SBNO1: variants seen among roughly 807,000 people sequenced by gnomAD.
SBNO1 encodes the protein strawberry notch homolog 1.
A neutral mutation model predicts 173.6 loss-of-function variants in SBNO1; 23 were observed. The ratio of observed to expected loss-of-function variants is 0.13; its 90% CI spans 0.10 to 0.19. The LOEUF (loss-of-function observed/expected upper bound fraction) is 0.19, where lower values mean the gene tolerates loss of function less well. SBNO1 is among the 10% of genes least tolerant of loss of function. The pLI is 1.00. For missense variants in SBNO1, 1,238 were observed against 1,671.2 expected (o/e 0.74, Z 4.52); for synonymous variants, 632 against 571.5 (o/e 1.11, Z -1.51).
chr12:123,330,887 A>G (rs537028538), intron 8 of SBNO1, among the ~76,000 whole-genome samples: 3 of 152,138 alleles, frequency 2.0e-5, no homozygotes, highest in Non-Finnish European at 2.9e-5. Flanking sequence ...AATATGCCAC[A>G]GCACTCCAGC....
chr12:123,362,925 T>TA lies in SBNO1; in HGVS notation c.-1+1775dup, dbSNP rs560090421. On this transcript the variant is annotated intron_variant, in intron 1 of 31. Transcript: ENST00000602398. ...GACCCCCGCCTCTCAACAAAAAAAT[T>TA]AAAAAAAAAAAAATTAGCTGCTGTA... Among the ~76,000 whole-genome samples the TA allele has an allele frequency of 3.1e-3, 442 of 144,018 alleles. 3 individuals carry two copies. Among genetic ancestry groups the TA allele is most frequent in the South Asian group, 0.025 (112 of 4,492 alleles). The allele number at this position is 144,018 out of a possible 152,430, so 94.5% of individuals were successfully genotyped here.
chr12:123,332,119 G>A (rs1217332806), intron 7 of SBNO1, among the ~76,000 whole-genome samples: 1 of 152,084 alleles, frequency 6.6e-6, no homozygotes, highest in Non-Finnish European at 1.5e-5. Flanking sequence ...AAAGTGCTGA[G>A]ATTACAGGCA....
rs754320644 is a variant in SBNO1, at chr12:123,298,056, C to T, written c.3961G>A (p.Val1321Ile). 4.3e-6 allele frequency: 7 copies of T among 1,613,840 alleles called. No individual in the cohort carries two copies. In the South Asian group the frequency reaches 6.6e-5, roughly 15 times the overall value. ...TTTGTGCCACTGACAGATGCTAGAA[C>T]ACCCTCAACTTTTGTCCAGACACTC... ...VLSVWTKVEG[V>I]LASVSGTNVK... Residue 1321 changes from valine to isoleucine, a missense_variant, in exon 31 of 32, where the codon GTT (valine) becomes ATT (isoleucine). Coordinates refer to ENST00000602398, the MANE Select transcript of SBNO1 (RefSeq NM_001167856.3).
rs2048573252 is a variant in SBNO1 at position 123,295,022 on chromosome 12, TTTG to T, written c.*883_*885del. 6.6e-6 allele frequency: 1 copy of T among 152,238 alleles called. No individual in the cohort carries two copies. The highest frequency in any genetic ancestry group is 6.5e-5 in the Admixed American group (1 of 15,274). The allele number at this position is 152,238 out of a possible 1,614,324, so 9.4% of individuals were successfully genotyped here. A position where few individuals can be genotyped will look rare whatever the true frequency, so the allele number is the denominator to read the frequency against. The stretch of plus-strand genomic sequence containing the variant: ...CGATTGTTTGCAAGATGAAAGCCAA[TTTG>T]TACTTCCTTCTAAAACTACCTTTAA... On this transcript the variant is annotated 3_prime_UTR_variant, in exon 32 of 32. Transcript: ENST00000602398.
chr12:123,317,380 A>C (rs886923345), intron 20 of SBNO1, 24 bp from the exon 21 acceptor site: 1 of 1,612,578 alleles, frequency 6.2e-7, no homozygotes, highest in Non-Finnish European at 8.5e-7. Flanking sequence ...AAGAAAAATA[A>C]AGTCACTTTT....
intron 7 of SBNO1, among the ~76,000 whole-genome samples, chr12:123,333,301 AT>A (rs2139011940): frequency 6.6e-6 from 1 of 152,106 alleles, no homozygotes; most frequent in Non-Finnish European, 1.5e-5. Flanking sequence ...ACCTCACATC[AT>A]TTTAAAAGCC....
intron 2 of SBNO1, among the ~76,000 whole-genome samples, chr12:123,349,439 T>C (rs1873624036): frequency 6.6e-6 from 1 of 152,040 alleles, no homozygotes; most frequent in African/African-American, 2.4e-5. Flanking sequence ...ATGTATATAA[T>C]GAAATCACAG....
Position 123,289,255 on chromosome 12 carries a change from T to C in SBNO1, c.*6653A>G, listed in dbSNP as rs906143500. 6.6e-6 allele frequency: 1 copy of C among 152,248 alleles called. No homozygotes were observed. The allele number at this position is 152,248 out of a possible 1,614,324, so 9.4% of individuals were successfully genotyped here. ...CAAGAGTAAATAAACCTTGCTAAAA[T>C]GCAGCCAGTACATTTTTATTGCATG... On this transcript the variant is annotated 3_prime_UTR_variant, in exon 32 of 32. Coordinates refer to ENST00000602398, the MANE Select transcript of SBNO1 (RefSeq NM_001167856.3).
intron 30 of SBNO1, among the ~76,000 whole-genome samples, chr12:123,302,121 G>C (rs1245543336): frequency 6.6e-6 from 1 of 151,278 alleles, no homozygotes; most frequent in East Asian, 2.0e-4. Flanking sequence ...TTTTAGTAGA[G>C]AGGGTTTCTC....
rs118119987 is a variant in SBNO1, at chr12:123,341,093, G to A, written c.551-5C>T. 4,138 of 1,453,620 alleles carry A rather than the reference G, an allele frequency of 2.8e-3. 101 individuals are homozygous for A. In the East Asian group the frequency reaches 0.042, roughly 15 times the overall value. The allele number at this position is 1,453,620 out of a possible 1,614,324, so 90.0% of individuals were successfully genotyped here. ...CTGTACCATTGCTTACATCAGCTGAGGAGGAAAAAGTCAAATTACATTTAG... is the reference window on the plus strand; with the variant it reads ...CTGTACCATTGCTTACATCAGCTGAAGAGGAAAAAGTCAAATTACATTTAG... On this transcript the variant is annotated splice_region_variant and splice_polypyrimidine_tract_variant and intron_variant, in intron 4 of 31. Coordinates refer to ENST00000602398, the MANE Select transcript of SBNO1 (RefSeq NM_001167856.3).
intron 24 of SBNO1, 58 bp from the exon 25 acceptor site, chr12:123,311,187 A>ATGT: frequency 8.1e-7 from 1 of 1,240,242 alleles, no homozygotes; most frequent in South Asian, 1.2e-5. Context: ...ACAATGTACC[A>ATGT]CTAAGTGAGA....
chr12:123,352,855 T>G (rs1874042697), intron 1 of SBNO1, among the ~76,000 whole-genome samples: 1 of 152,298 alleles, frequency 6.6e-6, no homozygotes, highest in South Asian at 2.1e-4. Context: ...TGGAGTGCAG[T>G]GGCGCGATCT....
chr12:123,346,682 GA>G (rs1304499752), intron 3 of SBNO1, among the ~76,000 whole-genome samples: 1 of 150,866 alleles, frequency 6.6e-6, no homozygotes, highest in African/African-American at 2.4e-5. Context: ...AAAAATAAAA[GA>G]ATAAAAATAA....
At chr12:123,342,735 T>G (rs1872706567) in intron 4 of SBNO1, among the ~76,000 whole-genome samples, 3 of 151,560 alleles carry the variant, frequency 2.0e-5, no homozygotes, top group Admixed American at 2.0e-4. Flanking sequence ...GGGTGGGAGG[T>G]ATCCAGTCCA....
At chr12:123,298,534 CGT>C (rs2048679005) in intron 30 of SBNO1, among the ~76,000 whole-genome samples, 1 of 152,174 alleles carries the variant, frequency 6.6e-6, no homozygotes, top group African/African-American at 2.4e-5. Context: ...GGATTACAGG[CGT>C]GAGCCACCGC....
At chr12:123,340,581 CAAAAAAAAAA>C (rs752794679) in intron 5 of SBNO1, among the ~76,000 whole-genome samples, 3 of 46,818 alleles carry the variant, frequency 6.4e-5, no homozygotes, top group Non-Finnish European at 1.2e-4. Context: ...GACTCTGTCT[CAAAAAAAAAA>C]AAAAAAAAAA....
Position 123,323,727 on chromosome 12 carries a change from G to A in SBNO1, c.2078C>T (p.Ser693Leu), listed in dbSNP as rs1436996597. Residue 693 changes from serine to leucine, a missense_variant, in exon 16 of 32, where the codon TCG becomes TTG. Physicochemically the swap from Ser to Leu is moderately radical, Grantham distance 145 (BLOSUM62 -2). Around this residue, in one of 14 missense-constraint regions of SBNO1, gnomAD observed 81 missense variants for 82.6 expected, o/e 0.98. Coordinates refer to ENST00000602398, the MANE Select transcript of SBNO1 (RefSeq NM_001167856.3). ...IDLTAPSNNS[S>L]PRDSPCKENK... is the part of the protein sequence containing the mutation. ...TTCTTTACAAGGACTATCTCTTGGC[G>A]AACTGTTGTTACTTGGAGCTGTCAA... The A allele has an allele frequency of 8.7e-6, 14 of 1,611,858 alleles. No individual in the cohort carries two copies. Among genetic ancestry groups the A allele is most frequent in the Admixed American group, 1.7e-5 (1 of 59,562 alleles).
chr12:123,341,541 T>G (rs1274322498), intron 4 of SBNO1, among the ~76,000 whole-genome samples: 1 of 152,186 alleles, frequency 6.6e-6, no homozygotes. Flanking sequence ...TTTATTTATT[T>G]TTGGAGTTTC....
In SBNO1 at chr12:123,311,033, C is replaced by A. The variant is rs76466196; in HGVS notation, c.3295+22G>T. The stretch of plus-strand genomic sequence containing the variant: ...AATACTATAGCAACAGTTATATGCC[C>A]ACACAAAGCTAATAGTAGTACCTTT... On this transcript the variant is annotated intron_variant, in intron 25 of 31. Transcript: ENST00000602398. The A allele has an allele frequency of 2.9e-5, 45 of 1,542,056 alleles. 1 individual carries two copies. In the South Asian group the frequency reaches 3.0e-4, roughly 10 times the overall value.
Sources: allele counts gnomAD v4.1 joint callset (sites outside exome capture counted in the v4.1 genomes callset), GRCh38; gene constraint gnomAD v4.1.1; regional missense constraint gnomAD v4.1.1; transcripts MANE v1.5; gene names NCBI Gene and HGNC (gene_info 2026-07-23, HGNC 2026-07-21).